The following UBAC2 variants were observed in gnomAD, a reference collection of about 807,000 sequenced individuals.
UBAC2 encodes the protein ubiquitin-associated domain-containing protein 2.
Under a neutral mutation model 44.0 loss-of-function variants are expected in UBAC2, and 26 were observed. That is an observed-to-expected ratio of 0.59 (90% CI 0.43 to 0.82). The LOEUF (loss-of-function observed/expected upper bound fraction) is 0.82. Ranked by LOEUF, UBAC2 falls within the 40% of genes least tolerant of loss-of-function variation. UBAC2 has a pLI of 0.00. For missense variants in UBAC2, 329 were observed against 419.4 expected, an observed-to-expected ratio of 0.78 and a Z score of 1.88; for synonymous variants, 155 against 154.3, an observed-to-expected ratio of 1.00 and a Z score of -0.04.
chr13:99,242,726 C>T (rs1362153266), intron 2 of UBAC2, among the ~76,000 whole-genome samples: 8 of 120,658 alleles, frequency 6.6e-5, no homozygotes, highest in South Asian at 2.9e-4. Flanking sequence ...CTGGCCTGGC[C>T]GGGGCTGACC....
chr13:99,383,701 GC>G (rs2045580796), intron 8 of UBAC2, among the ~76,000 whole-genome samples: 1 of 152,250 alleles, frequency 6.6e-6, no homozygotes, highest in Non-Finnish European at 1.5e-5. Flanking sequence ...GCATTTGTAA[GC>G]CTAGTCCTCA....
chr13:99,201,328 C>T (rs570268580), intron 1 of UBAC2: 10 of 1,517,942 alleles, frequency 6.6e-6, no homozygotes, highest in South Asian at 6.4e-5. Flanking sequence ...TTCTTTTAGG[C>T]TTGGGGGACC....
chr13:99,369,267 C>T (rs913341673), intron 8 of UBAC2, among the ~76,000 whole-genome samples: 2 of 152,094 alleles, frequency 1.3e-5, no homozygotes, highest in African/African-American at 2.4e-5. Context: ...CTATAATTGT[C>T]GAACTTTAAC....
chr13:99,356,222 C>T (rs775905121), intron 7 of UBAC2: 9 of 533,230 alleles, frequency 1.7e-5, no homozygotes, highest in African/African-American at 3.8e-5. Context: ...TGTCTTTGCA[C>T]CTTCTGTCCT....
At chr13:99,206,984 A>T (rs1310079234) in intron 1 of UBAC2, among the ~76,000 whole-genome samples, 2 of 152,150 alleles carry the variant, frequency 1.3e-5, no homozygotes, top group Non-Finnish European at 2.9e-5. Context: ...CCTGAGGCCC[A>T]CCCTCCACCG....
At chr13:99,328,182 G>T (rs1435916662) in intron 6 of UBAC2, among the ~76,000 whole-genome samples, 1 of 152,048 alleles carries the variant, frequency 6.6e-6, no homozygotes, top group Non-Finnish European at 1.5e-5. Context: ...ATTTATTATT[G>T]TATTAAGTAA....
At chr13:99,204,613 T>G (rs1593989481) in intron 1 of UBAC2, among the ~76,000 whole-genome samples, 1 of 152,000 alleles carries the variant, frequency 6.6e-6, no homozygotes, top group Non-Finnish European at 1.5e-5. Context: ...AGGAGACAAT[T>G]TCAGGGGAGA....
chr13:99,361,633 C>CA (rs2045266062), intron 7 of UBAC2, among the ~76,000 whole-genome samples: 1 of 152,066 alleles, frequency 6.6e-6, no homozygotes, highest in African/African-American at 2.4e-5. Context: ...TGATCCAGAC[C>CA]ATTCTTTGTT....
intron 1 of UBAC2, among the ~76,000 whole-genome samples, chr13:99,218,573 A>G (rs1026855677): frequency 4.0e-5 from 6 of 150,938 alleles, no homozygotes; most frequent in Non-Finnish European, 8.8e-5. Flanking sequence ...TCTTGCTTCG[A>G]TAACAAGTGT....
intron 1 of UBAC2, among the ~76,000 whole-genome samples, chr13:99,202,407 T>C (rs961334212): frequency 7.2e-5 from 11 of 152,232 alleles, no homozygotes; most frequent in Non-Finnish European, 1.3e-4. Flanking sequence ...TTTCCTGGGA[T>C]CACACAGTGA....
At chr13:99,242,508 G>GC (rs1207175526) in intron 2 of UBAC2, among the ~76,000 whole-genome samples, 47 of 122,332 alleles carry the variant, frequency 3.8e-4, no homozygotes, top group African/African-American at 1.1e-3. Context: ...GCGGGGGGCT[G>GC]CCCCCCCCAC....
At chr13:99,380,858 G>A (rs2045541547) in intron 8 of UBAC2, among the ~76,000 whole-genome samples, 1 of 152,190 alleles carries the variant, frequency 6.6e-6, no homozygotes, top group African/African-American at 2.4e-5. Flanking sequence ...AAGTTCTCCT[G>A]TCACACTTGT....
intron 4 of UBAC2, among the ~76,000 whole-genome samples, chr13:99,305,240 CA>C (rs780599760): frequency 6.6e-6 from 1 of 152,052 alleles, no homozygotes; most frequent in African/African-American, 2.4e-5. Flanking sequence ...TTTGGGCTTC[CA>C]AAACACCACA....
intron 6 of UBAC2, among the ~76,000 whole-genome samples, chr13:99,338,961 T>C (rs2044843098): frequency 6.6e-6 from 1 of 152,244 alleles, no homozygotes; most frequent in African/African-American, 2.4e-5. Flanking sequence ...AGAATATTTG[T>C]GCACTCCTGG....
intron 4 of UBAC2, among the ~76,000 whole-genome samples, chr13:99,282,930 A>G (rs868244807): frequency 3.3e-5 from 5 of 152,208 alleles, no homozygotes; most frequent in Non-Finnish European, 1.5e-5. Context: ...TTGAAATCTA[A>G]TGTGCTTTTG....
At chr13:99,209,714 C>G (rs994749978) in intron 1 of UBAC2, among the ~76,000 whole-genome samples, 1 of 152,222 alleles carries the variant, frequency 6.6e-6, no homozygotes, top group Non-Finnish European at 1.5e-5. Flanking sequence ...TGGCTCACGC[C>G]TGTAATCCCA....
At chr13:99,271,835 TGGG>T (rs2043819691) in intron 4 of UBAC2, among the ~76,000 whole-genome samples, 1 of 152,182 alleles carries the variant, frequency 6.6e-6, no homozygotes, top group South Asian at 2.1e-4. Flanking sequence ...TTACTACTGC[TGGG>T]TCCTGAGGGG....
chr13:99,215,798 C>T (rs1594006776), intron 1 of UBAC2: 1 of 757,734 alleles, frequency 1.3e-6, no homozygotes, highest in Non-Finnish European at 2.2e-6. Context: ...AGAGAAAGGG[C>T]TAATCAGACC....
intron 6 of UBAC2, among the ~76,000 whole-genome samples, chr13:99,321,669 A>G (rs1474479237): frequency 6.6e-6 from 1 of 152,250 alleles, no homozygotes; most frequent in Non-Finnish European, 1.5e-5. Flanking sequence ...CTTTGAATAT[A>G]TAACTTTAAA....
Sources: allele counts gnomAD v4.1 joint callset (sites outside exome capture counted in the v4.1 genomes callset), GRCh38; gene constraint gnomAD v4.1.1; transcripts MANE v1.5; gene names NCBI Gene and HGNC (gene_info 2026-07-23, HGNC 2026-07-21).